The following ZNF709 variants were observed in gnomAD, a reference collection of about 807,000 sequenced individuals.
ZNF709 encodes zinc finger protein 709.
Under a neutral mutation model 10.6 loss-of-function variants are expected in ZNF709, and 15 were observed. The ratio of observed to expected loss-of-function variants is 1.41; its 90% CI spans 0.95 to 2.18. The LOEUF (loss-of-function observed/expected upper bound fraction) is 2.18, where lower values mean the gene tolerates loss of function less well. Ranked by LOEUF, ZNF709 falls within the 30% of genes most tolerant of loss-of-function variation. ZNF709 has a pLI of 0.00. For missense variants in ZNF709, 589 were observed against 774.0 expected, an observed-to-expected ratio of 0.76 and a Z score of 2.84; for synonymous variants, 194 against 238.8, an observed-to-expected ratio of 0.81 and a Z score of 1.73.
At chr19:12,469,390 C>G (rs1369336567) in intron 1 of ZNF709, among the ~76,000 whole-genome samples, 1 of 152,014 alleles carries the variant, frequency 6.6e-6, no homozygotes, top group East Asian at 1.9e-4. Context: ...TCTTTTTTCT[C>G]CCTGTCCCAT....
intron 1 of ZNF709, among the ~76,000 whole-genome samples, chr19:12,473,190 A>G (rs1188090782): frequency 2.6e-5 from 4 of 152,378 alleles, no homozygotes; most frequent in South Asian, 2.1e-4. Flanking sequence ...CAATAGGATC[A>G]GTATTTTTCA....
chr19:12,478,649 T>C (rs1212521232), intron 1 of ZNF709, among the ~76,000 whole-genome samples: 1 of 152,234 alleles, frequency 6.6e-6, no homozygotes, highest in African/African-American at 2.4e-5. Context: ...GACTCACTAC[T>C]GTGATCATTG....
chr19:12,477,720 G>T (rs1043431261), intron 1 of ZNF709, among the ~76,000 whole-genome samples: 1 of 152,036 alleles, frequency 6.6e-6, no homozygotes, highest in African/African-American at 2.4e-5. Context: ...CTTTTTTGCC[G>T]TCTAAATTCC....
In ZNF709 at chr19:12,484,739, C is replaced by A; in HGVS notation, c.-82G>T. On this transcript the variant is annotated 5_prime_UTR_variant, in exon 1 of 4. The change creates a new upstream start codon in the 5' untranslated region. Coordinates refer to ENST00000397732, the MANE Select transcript of ZNF709 (RefSeq NM_152601.4). ...GTCCTACCTCCACCTGAGGCCCTTC[C>A]TCCACCTGAGGGCCTTCTGGGGTGA... 6.3e-7 allele frequency: 1 copy of A among 1,594,252 alleles called. No homozygotes were observed. Among genetic ancestry groups the A allele is most frequent in the Non-Finnish European group, 8.6e-7 (1 of 1,162,462 alleles).
chr19:12,479,004 T>C (rs1012175710), intron 1 of ZNF709, among the ~76,000 whole-genome samples: 1 of 152,184 alleles, frequency 6.6e-6, no homozygotes, highest in Non-Finnish European at 1.5e-5. Flanking sequence ...GACAGTATGC[T>C]TAAGAAATTA....
chr19:12,468,318 C>A (rs563092376), intron 1 of ZNF709, among the ~76,000 whole-genome samples: 1 of 152,266 alleles, frequency 6.6e-6, no homozygotes, highest in East Asian at 1.9e-4. Context: ...AAGAAGTAGA[C>A]ATGGGAGACT....
chr19:12,464,056 A>G lies in ZNF709; in HGVS notation c.1866T>C (p.Gly622=). The G allele has an allele frequency of 6.5e-7, 1 of 1,539,544 alleles. No homozygotes were observed. Among genetic ancestry groups the G allele is most frequent in the Non-Finnish European group, 8.7e-7 (1 of 1,149,030 alleles). Residue 622 remains glycine (G), a synonymous_variant, in exon 4 of 4, where the codon GGT becomes GGC. Coordinates refer to ENST00000397732, the MANE Select transcript of ZNF709 (RefSeq NM_152601.4). ...GEKPYACQQC[G]KAFKCSRSFR... Reference sequence around the variant, plus strand: ...AGGAACGGGAACACTTGAAGGCTTTACCACATTGTTGACATGCATAGGGTT... The same window carrying G: ...AGGAACGGGAACACTTGAAGGCTTTGCCACATTGTTGACATGCATAGGGTT...
At position 12,464,036 on chromosome 19, in the gene ZNF709, C is replaced by A. The variant is rs183982301; in HGVS notation, c.1886G>T (p.Arg629Leu). ...QQCGKAFKCS[R>L]SFRIHERVHS... is the part of the protein sequence containing the mutation. ...AACTCTTTCATGTATTCGAAAGGAA[C>A]GGGAACACTTGAAGGCTTTACCACA... Residue 629 changes from arginine (R) to leucine (L), a missense_variant, in exon 4 of 4, where the codon CGT (arginine) becomes CTT (leucine). This residue lies in a region of ZNF709 where 171 missense variants were observed against 277.7 expected (regional missense o/e 0.62). Transcript: ENST00000397732. The A allele has an allele frequency of 1.3e-4, 200 of 1,516,896 alleles. No individual in the cohort carries two copies. In the African/African-American group the frequency reaches 2.5e-3, roughly 19 times the overall value. The allele number at this position is 1,516,896 out of a possible 1,614,324, so 94.0% of individuals were successfully genotyped here. A position where few individuals can be genotyped will look rare whatever the true frequency, so the allele number is the denominator to read the frequency against.
At chr19:12,469,165 T>C (rs908784226) in intron 1 of ZNF709, among the ~76,000 whole-genome samples, 3 of 152,070 alleles carry the variant, frequency 2.0e-5, no homozygotes, top group Non-Finnish European at 1.5e-5. Context: ...AATAAGTATA[T>C]ACTGAAGAAC....
chr19:12,482,732 C>T (rs1970739454), intron 1 of ZNF709, among the ~76,000 whole-genome samples: 1 of 152,194 alleles, frequency 6.6e-6, no homozygotes, highest in African/African-American at 2.4e-5. Context: ...CCCCAGCTTT[C>T]CAGTGCTCAG....
chr19:12,468,039 C>T (rs1213107724), intron 1 of ZNF709, among the ~76,000 whole-genome samples: 18 of 151,080 alleles, frequency 1.2e-4, no homozygotes, highest in African/African-American at 4.9e-5. Flanking sequence ...GGTCAGCCCC[C>T]GCCCGGCCAG....
rs1423011640 is a variant in ZNF709, at chr19:12,464,121, G to A, written c.1801C>T (p.Arg601Cys). The change falls in exon 4 of 4, where the codon CGT (arginine) becomes TGT (cysteine). Residue 601 changes from arginine (R) to cysteine (C), a missense_variant. Around this residue, in one of 2 missense-constraint regions of ZNF709, gnomAD observed 171 missense variants for 277.7 expected, o/e 0.62. Transcript: ENST00000397732. ...KQCDKAFSCS[R>C]SFRIHERTHT... ...GTTCGTTCATGGATTCGAAAGGAACGTGAGCAACTGAAGGCTTTGTCACAT... is the reference window on the plus strand; with the variant it reads ...GTTCGTTCATGGATTCGAAAGGAACATGAGCAACTGAAGGCTTTGTCACAT... 6 of 1,482,352 alleles carry A rather than the reference G, an allele frequency of 4.0e-6. No homozygotes were observed. Among genetic ancestry groups the A allele is most frequent in the African/African-American group, 2.9e-5 (2 of 69,228 alleles). The allele number at this position is 1,482,352 out of a possible 1,614,324, so 91.8% of individuals were successfully genotyped here.
At position 12,467,967 on chromosome 19, in the gene ZNF709, C is replaced by T. The variant is rs528278250; in HGVS notation, c.4-1117G>A. 5.9e-5 allele frequency among the ~76,000 whole-genome samples: 9 copies of T among 151,870 alleles called. 1 individual carries two copies. Among genetic ancestry groups the T allele is most frequent in the Admixed American group, 2.0e-4 (3 of 15,278 alleles). ...CCCCCGCACGGCCAGCCGCCCCGTC[C>T]GGGAGGGAGGTGGGGGTCAGCCCCC... is the stretch of plus-strand genomic sequence containing the variant. On this transcript the variant is annotated intron_variant, in intron 1 of 3. Coordinates refer to ENST00000397732, the MANE Select transcript of ZNF709 (RefSeq NM_152601.4).
Position 12,462,327 on chromosome 19 carries a change from A to G in ZNF709, c.*1669T>C, listed in dbSNP as rs1970524391. ...CTTCCATATCTCCTGCAAGTAGGCT[A>G]TTGGTGAATTATACCGTGGAGCCAT... On this transcript the variant is annotated 3_prime_UTR_variant, in exon 4 of 4. Coordinates refer to ENST00000397732, the MANE Select transcript of ZNF709 (RefSeq NM_152601.4). 6.6e-6 allele frequency: 1 copy of G among 152,208 alleles called. No individual in the cohort carries two copies. The highest frequency in any genetic ancestry group is 1.5e-5 in the Non-Finnish European group (1 of 68,050). The allele number at this position is 152,208 out of a possible 1,614,324, so 9.4% of individuals were successfully genotyped here.
At chr19:12,467,334 G>A (rs1970582492) in intron 1 of ZNF709, among the ~76,000 whole-genome samples, 1 of 152,192 alleles carries the variant, frequency 6.6e-6, no homozygotes, top group East Asian at 1.9e-4. Context: ...GTGGAGACGG[G>A]GTTTCGCTGT....
In ZNF709 at chr19:12,464,835, G is replaced by A; in HGVS notation, c.1087C>T (p.Pro363Ser). 6.2e-7 allele frequency: 1 copy of A among 1,613,704 alleles called. No homozygotes were observed. Among genetic ancestry groups the A allele is most frequent in the Non-Finnish European group, 8.5e-7 (1 of 1,179,854 alleles). The change falls in exon 4 of 4, where the codon CCT becomes TCT. Residue 363 changes from proline to serine, a missense_variant. Coordinates refer to ENST00000397732, the MANE Select transcript of ZNF709 (RefSeq NM_152601.4). ...RHMIMHTGNG[P>S]YKCKECGKAF... ...TTCCCACATTCCTTGCATTTATAAG[G>A]TCCATTTCCAGTGTGCATTATCATA...
In ZNF709 at chr19:12,465,234, C is replaced by T. The variant is rs752544330; in HGVS notation, c.688G>A (p.Gly230Arg). 10 of 1,612,782 alleles carry T rather than the reference C, an allele frequency of 6.2e-6. No individual in the cohort carries two copies. Among genetic ancestry groups the T allele is most frequent in the African/African-American group, 2.7e-5 (2 of 74,874 alleles). The change falls in exon 4 of 4, where the codon GGG becomes AGG. Residue 230 changes from glycine (G) to arginine (R), a missense_variant. By Grantham distance (125) the Gly-to-Arg change is moderately radical. Around this residue, in one of 2 missense-constraint regions of ZNF709, gnomAD observed 418 missense variants for 496.3 expected, o/e 0.84. Transcript: ENST00000397732. The stretch of plus-strand genomic sequence containing the variant: ...GAACTGGGATGACTGAACGTTTTCC[C>T]GCATTCTTTACATTTATAGGGTTTC... ...GEKPYKCKEC[G>R]KTFSHPSSFR...
rs749264842 is a variant in ZNF709 at position 12,466,869 on chromosome 19, A to G, written c.4-19T>C. ...CTGAGTCCTGAAACATCCCACATGT[A>G]TAGGGGAGGATGGGTGAGACTGACA... On this transcript the variant is annotated intron_variant, in intron 1 of 3. Transcript: ENST00000397732. 1 of 1,607,658 alleles carries G rather than the reference A, an allele frequency of 6.2e-7. No individual in the cohort carries two copies.
At chr19:12,469,499 T>C (rs939449071) in intron 1 of ZNF709, among the ~76,000 whole-genome samples, 1 of 152,084 alleles carries the variant, frequency 6.6e-6, no homozygotes, top group Non-Finnish European at 1.5e-5. Context: ...CCAGGCGCGG[T>C]TGCTCACGCC....
Sources: gnomAD v4.1 joint callset for allele counts (sites outside exome capture counted in the v4.1 genomes callset) on GRCh38, gnomAD v4.1.1 for gene constraint, gnomAD v4.1.1 regional missense constraint, MANE v1.5 for transcripts, NCBI Gene and HGNC (gene_info 2026-07-23, HGNC 2026-07-21) for gene names.